Variants in PHYKPL observed in about 807,000 individuals in gnomAD.
The protein encoded by PHYKPL is 5-phosphonooxy-L-lysine phospho-lyase.
PHYKPL carries 42 observed loss-of-function variants against 51.3 expected under a neutral mutation model. The observed-to-expected ratio is 0.82, with a 90% CI of 0.64 to 1.06. The LOEUF is 1.06. Among genes scored for constraint, PHYKPL ranks in the 50% least tolerant of loss-of-function variants. The probability of loss-of-function intolerance (pLI) is 0.00; values close to 1 mark genes in which losing one functional copy is unlikely to be tolerated. For missense variants in PHYKPL, 655 were observed against 586.6 expected, an observed-to-expected ratio of 1.12 and a Z score of -1.20; for synonymous variants, 264 against 236.0, an observed-to-expected ratio of 1.12 and a Z score of -1.09.
At chr5:178,223,449 T>C (rs1313588624) in intron 6 of PHYKPL, 4 of 456,196 alleles carry the variant, frequency 8.8e-6, no homozygotes, top group South Asian at 1.5e-5. Context: ...ACTGAGCATG[T>C]CACTGTTGTT....
downstream of PHYKPL, chr5:178,207,356 A>C (rs1404989534): frequency 5.6e-6 from 6 of 1,069,260 alleles, no homozygotes; most frequent in East Asian, 1.2e-4. Flanking sequence ...TCTGAAGCGT[A>C]TGCTGCCCTG....
chr5:178,210,512 T>C (rs1561673002), intron 12 of PHYKPL: 9 of 1,594,482 alleles, frequency 5.6e-6, no homozygotes, highest in Non-Finnish European at 7.7e-6. Context: ...ACAGGGCAAA[T>C]GCTTGTAAAT....
intron 9 of PHYKPL, 65 bp from the exon 10 acceptor site, chr5:178,214,950 C>T: frequency 6.9e-7 from 1 of 1,459,078 alleles, no homozygotes; most frequent in African/African-American, 1.4e-5. Context: ...TGGCCTCAGC[C>T]TCTGGGCTCC....
chr5:178,224,119 C>G (rs2961682), intron 6 of PHYKPL, among the ~76,000 whole-genome samples: 2 of 152,290 alleles, frequency 1.3e-5, no homozygotes, highest in East Asian at 1.9e-4. Flanking sequence ...CACATTCACA[C>G]GGTTCCTCAG....
At chr5:178,209,948 C>G (rs1475589695) in intron 12 of PHYKPL, among the ~76,000 whole-genome samples, 2 of 151,148 alleles carry the variant, frequency 1.3e-5, no homozygotes, top group Non-Finnish European at 2.9e-5. Context: ...GTCTCTGATC[C>G]TCTGCTTGGG....
intron 1 of PHYKPL, 121 bp from the exon 2 acceptor site, chr5:178,231,644 G>C: frequency 6.2e-7 from 1 of 1,602,182 alleles, no homozygotes; most frequent in Non-Finnish European, 8.5e-7. Context: ...ATGAGAGCTG[G>C]AAGGGCAAGG....
intron 6 of PHYKPL, chr5:178,223,612 G>A (rs2113909616): frequency 2.6e-6 from 1 of 386,410 alleles, no homozygotes; most frequent in East Asian, 7.5e-5. Context: ...TTATAGAAGT[G>A]GTCGCAGAGC....
chr5:178,223,419 AT>A (rs1761614334), intron 6 of PHYKPL: 1 of 456,148 alleles, frequency 2.2e-6, no homozygotes, highest in African/African-American at 2.0e-5. Context: ...CACCAGGGTG[AT>A]GATGCCTCAA....
At chr5:178,224,076 C>T in intron 6 of PHYKPL, 1 of 223,024 alleles carries the variant, frequency 4.5e-6, no homozygotes, top group Non-Finnish European at 8.9e-6. Context: ...GCATGTGGAC[C>T]CTGCCTGCCT....
chr5:178,213,523 C>G (rs17080573), intron 10 of PHYKPL, among the ~76,000 whole-genome samples: 4,026 of 152,316 alleles, frequency 0.026, 149 homozygotes, highest in African/African-American at 0.083. Flanking sequence ...TCACCAGCTT[C>G]AGGCATCTTC....
At position 178,222,912 on chromosome 5, in the gene PHYKPL, G is replaced by A; in HGVS notation, c.641C>T (p.Ser214Phe). Residue 214 changes from serine to phenylalanine, a missense_variant, in exon 7 of 13, where the codon TCT (serine) becomes TTT (phenylalanine). Ser to Phe is a radical substitution (Grantham distance 155). Transcript: ENST00000308158. ...GATCTGCCCTCCCACACTGGGCAGA[G>A]ACTCAGCGAAGAAGGCTGCAATCTG... ...GRKIAAFFAE[S>F]LPSVGGQIIP... 1 of 1,614,184 alleles carries A rather than the reference G, an allele frequency of 6.2e-7. No homozygotes were observed. The highest frequency in any genetic ancestry group is 2.2e-5 in the East Asian group (1 of 44,884).
At position 178,232,636 on chromosome 5, in the gene PHYKPL, G is replaced by T. The variant is rs1211607656; in HGVS notation, c.-86C>A. 1.6e-6 allele frequency: 2 copies of T among 1,217,706 alleles called. No homozygotes were observed. The highest frequency in any genetic ancestry group is 3.2e-5 in the East Asian group (1 of 30,868). The allele number at this position is 1,217,706 out of a possible 1,614,324, so 75.4% of individuals were successfully genotyped here. ...CCTCCAAGGCCCCGCTCCGGGCCCCGCCCCTGCCTGGGTCGGGATTTGGGG... is the reference window on the plus strand; with the variant it reads ...CCTCCAAGGCCCCGCTCCGGGCCCCTCCCCTGCCTGGGTCGGGATTTGGGG... On this transcript the variant is annotated 5_prime_UTR_variant, in exon 1 of 13. Coordinates refer to ENST00000308158, the MANE Select transcript of PHYKPL (RefSeq NM_153373.4).
chr5:178,222,233 C>T (rs1028679853), intron 8 of PHYKPL, 122 bp downstream of exon 8: 10 of 814,532 alleles, frequency 1.2e-5, no homozygotes, highest in African/African-American at 8.7e-5. Context: ...TTAAGGACAG[C>T]GTCTTGGAAG....
At chr5:178,229,815 C>T in intron 3 of PHYKPL, 125 bp downstream of exon 3, 1 of 1,230,476 alleles carries the variant, frequency 8.1e-7, no homozygotes, top group Non-Finnish European at 1.1e-6. Flanking sequence ...TCTCAGGAGC[C>T]TGGTGCAGTG....
intron 12 of PHYKPL, chr5:178,210,153 A>G (rs757662992): frequency 6.2e-7 from 1 of 1,614,048 alleles, no homozygotes; most frequent in Non-Finnish European, 8.5e-7. Context: ...AGTTGGAATC[A>G]GGGCTACGGC....
At position 178,232,686 on chromosome 5, in the gene PHYKPL, C is replaced by T. The variant is rs1169905184; in HGVS notation, c.-136G>A. 1.0e-6 allele frequency: 1 copy of T among 974,072 alleles called. No homozygotes were observed. The highest frequency in any genetic ancestry group is 5.1e-5 in the South Asian group (1 of 19,508). The allele number at this position is 974,072 out of a possible 1,614,324, so 60.3% of individuals were successfully genotyped here. A position where few individuals can be genotyped will look rare whatever the true frequency, so the allele number is the denominator to read the frequency against. On this transcript the variant is annotated 5_prime_UTR_variant, in exon 1 of 13. Coordinates refer to ENST00000308158, the MANE Select transcript of PHYKPL (RefSeq NM_153373.4). ...GCTCAGGTTCGCACTCGGCCCCGCC[C>T]CGAAGCGCCCGCGTTGCGGTGGTTC...
Position 178,222,475 on chromosome 5 carries a change from G to A in PHYKPL, c.807C>T (p.Phe269=), listed in dbSNP as rs1247765215. 20 of 1,614,142 alleles carry A rather than the reference G, an allele frequency of 1.2e-5. No homozygotes were observed. The highest frequency in any genetic ancestry group is 1.7e-5 in the Admixed American group (1 of 60,012). ...TGCCCATGGTGACGATGTCAGGGAC[G>A]AAGTCTTTTCCCTGGAGCTGGAAGG... is the stretch of plus-strand genomic sequence containing the variant. ...FWAFQLQGKD[F]VPDIVTMGKS... is the part of the protein sequence containing the mutation. The change falls in exon 8 of 13, where the codon TTC becomes TTT. Residue 269 remains phenylalanine (F), a synonymous_variant. Coordinates refer to ENST00000308158, the MANE Select transcript of PHYKPL (RefSeq NM_153373.4).
Position 178,219,536 on chromosome 5 carries a change from G to A in PHYKPL, c.927+2819C>T, listed in dbSNP as rs569989283. On this transcript the variant is annotated intron_variant, in intron 8 of 12. Coordinates refer to ENST00000308158, the MANE Select transcript of PHYKPL (RefSeq NM_153373.4). ...GCAATCTCGGCTCACTGCAAGCTCC[G>A]CCTCCCGGGTTCACGCCATTCTCCT... 3.3e-5 allele frequency among the ~76,000 whole-genome samples: 5 copies of A among 150,636 alleles called. 1 individual carries two copies. In the South Asian group the frequency reaches 6.3e-4, roughly 19 times the overall value.
In PHYKPL at chr5:178,215,332, G is replaced by A. The variant is rs1759551120; in HGVS notation, c.1026C>T (p.Phe342=). 1 of 1,614,060 alleles carries A rather than the reference G, an allele frequency of 6.2e-7. No individual in the cohort carries two copies. Among genetic ancestry groups the A allele is most frequent in the Non-Finnish European group, 8.5e-7 (1 of 1,179,982 alleles). Residue 342 remains phenylalanine, a synonymous_variant, in exon 9 of 13, where the codon TTC becomes TTT. Coordinates refer to ENST00000308158, the MANE Select transcript of PHYKPL (RefSeq NM_153373.4). The part of the protein sequence containing the change: ...LQDHATSVGS[F]LMQLLGQQKI... ...TTTGCTGCCCGAGGAGCTGCATCAGGAAGCTGCCTACACTGGTGGCATGAT... is the reference window on the plus strand; with the variant it reads ...TTTGCTGCCCGAGGAGCTGCATCAGAAAGCTGCCTACACTGGTGGCATGAT...
Sources: gnomAD v4.1 joint callset for allele counts (sites outside exome capture counted in the v4.1 genomes callset) on GRCh38, gnomAD v4.1.1 for gene constraint, MANE v1.5 for transcripts, NCBI Gene and HGNC (gene_info 2026-07-23, HGNC 2026-07-21) for gene names.